Variants in SNAP91 observed in about 807,000 individuals in gnomAD.
SNAP91 encodes the protein synaptosome associated protein 91.
In SNAP91, 27 loss-of-function variants were observed where a neutral mutation model predicts 100.3. That is an observed-to-expected ratio of 0.27 (90% CI 0.20 to 0.37). The LOEUF (loss-of-function observed/expected upper bound fraction) is 0.37. Among genes scored for constraint, SNAP91 ranks in the 10% least tolerant of loss-of-function variants. The probability of loss-of-function intolerance (pLI) is 1.00; values close to 1 mark genes in which losing one functional copy is unlikely to be tolerated. For synonymous variants in SNAP91, 404 were observed against 398.6 expected (o/e 1.01, Z -0.16); for missense variants, 986 against 1,123.7 (o/e 0.88, Z 1.75).
At chr6:83,588,935 CCA>C (rs1228770121) in intron 22 of SNAP91, among the ~76,000 whole-genome samples, 1 of 152,024 alleles carries the variant, frequency 6.6e-6, no homozygotes, top group Non-Finnish European at 1.5e-5. Context: ...CTTCAAATTC[CCA>C]TTTGAGATCT....
intron 2 of SNAP91, among the ~76,000 whole-genome samples, chr6:83,673,488 C>T (rs1024955923): frequency 3.9e-5 from 6 of 152,156 alleles, no homozygotes; most frequent in African/African-American, 1.4e-4. Flanking sequence ...TTATAAGCAT[C>T]TAGTCTATGA....
chr6:83,553,332 A>G lies in SNAP91; in HGVS notation c.*964T>C, dbSNP rs978283796. On this transcript the variant is annotated 3_prime_UTR_variant, in exon 30 of 30. Coordinates refer to ENST00000369694, the MANE Select transcript of SNAP91 (RefSeq NM_001242792.2). ...ACTTTGAGCTCAGTTGAAGGATGGA[A>G]GAACACTAGTCTACAAAACACACAA... The G allele has an allele frequency of 6.6e-6, 1 of 152,368 alleles. No individual in the cohort carries two copies. The highest frequency in any genetic ancestry group is 1.5e-5 in the Non-Finnish European group (1 of 68,038). 9.4% of individuals were successfully genotyped at this position (152,368 alleles called of 1,614,324 possible). A position where few individuals can be genotyped will look rare whatever the true frequency, so the allele number is the denominator to read the frequency against.
At chr6:83,578,754 TTTTTC>T (rs1166626143) in intron 24 of SNAP91, among the ~76,000 whole-genome samples, 1 of 152,208 alleles carries the variant, frequency 6.6e-6, no homozygotes, top group African/African-American at 2.4e-5. Flanking sequence ...ATTTATCTAT[TTTTTC>T]TTTTGTTTCT....
chr6:83,654,192 T>C (rs2098320282), intron 7 of SNAP91, among the ~76,000 whole-genome samples: 1 of 152,126 alleles, frequency 6.6e-6, no homozygotes, highest in African/African-American at 2.4e-5. Context: ...ACAGTTCAGA[T>C]CTTCCTACTT....
chr6:83,563,482 G>T (rs948624937), intron 26 of SNAP91, among the ~76,000 whole-genome samples: 3 of 152,156 alleles, frequency 2.0e-5, no homozygotes, highest in Admixed American at 6.6e-5. Flanking sequence ...AGACAAGGAG[G>T]TTATGAAAGT....
Position 83,659,100 on chromosome 6 carries a change from TAAAA to T in SNAP91, c.453-12_453-9del. 2.9e-5 allele frequency: 42 copies of T among 1,424,386 alleles called. No homozygotes were observed. The highest frequency in any genetic ancestry group is 1.9e-4 in the Middle Eastern group (1 of 5,286). 88.2% of individuals were successfully genotyped at this position (1,424,386 alleles called of 1,614,324 possible). ...CTCATTACACCATCGGCCCTACAAT[TAAAA>T]AAAAAAAAAAGGTACAATTTCATTG... is the stretch of plus-strand genomic sequence containing the variant. On this transcript the variant is annotated splice_polypyrimidine_tract_variant and intron_variant, in intron 5 of 29. Transcript: ENST00000369694.
chr6:83,660,379 G>A (rs371557551), intron 5 of SNAP91, among the ~76,000 whole-genome samples: 1 of 152,150 alleles, frequency 6.6e-6, no homozygotes, highest in Admixed American at 6.5e-5. Flanking sequence ...CACCACCATG[G>A]TAAAAAAAGT....
rs548404419 is a variant in SNAP91, at chr6:83,606,022, T to C, written c.1023-219A>G. ...AAGTATTTTAGACTTTGAGGGCCAG[T>C]TGGTCTCTATCATTACTTGACTCTG... On this transcript the variant is annotated intron_variant, in intron 13 of 29. Transcript: ENST00000369694. Among the ~76,000 whole-genome samples the C allele has an allele frequency of 2.6e-5, 4 of 152,322 alleles. No individual in the cohort carries two copies. In the South Asian group the frequency reaches 8.3e-4, roughly 32 times the overall value.
intron 2 of SNAP91, among the ~76,000 whole-genome samples, chr6:83,682,630 C>G (rs374171069): frequency 2.0e-5 from 3 of 151,766 alleles, no homozygotes; most frequent in Non-Finnish European, 2.9e-5. Context: ...ATGTGCACAA[C>G]GTGCAGGTTA....
chr6:83,609,768 T>C (rs2095871055), intron 12 of SNAP91, among the ~76,000 whole-genome samples: 1 of 152,178 alleles, frequency 6.6e-6, no homozygotes. Flanking sequence ...AAAAGGCATA[T>C]TTGTGGAAAG....
chr6:83,563,327 A>G (rs747378988), intron 26 of SNAP91, among the ~76,000 whole-genome samples: 6 of 152,198 alleles, frequency 3.9e-5, no homozygotes, highest in African/African-American at 9.6e-5. Context: ...ACGAAGTCCA[A>G]CAGCTTTTCA....
chr6:83,682,875 C>G (rs913163969), intron 2 of SNAP91, among the ~76,000 whole-genome samples: 1 of 151,740 alleles, frequency 6.6e-6, no homozygotes, highest in Non-Finnish European at 1.5e-5. Context: ...CTGTATTATA[C>G]TCTAGATTCC....
intron 8 of SNAP91, among the ~76,000 whole-genome samples, chr6:83,627,802 T>G (rs2097011362): frequency 6.6e-6 from 1 of 152,034 alleles, no homozygotes; most frequent in Non-Finnish European, 1.5e-5. Context: ...AACCAATTTT[T>G]ATTTCATTGA....
At chr6:83,632,778 C>T (rs2097262141) in intron 8 of SNAP91, among the ~76,000 whole-genome samples, 1 of 152,080 alleles carries the variant, frequency 6.6e-6, no homozygotes, top group Non-Finnish European at 1.5e-5. Flanking sequence ...GAATATTTCT[C>T]CCTTCACTTC....
At chr6:83,589,040 T>G (rs750298996) in intron 22 of SNAP91, among the ~76,000 whole-genome samples, 1 of 152,240 alleles carries the variant, frequency 6.6e-6, no homozygotes, top group Non-Finnish European at 1.5e-5. Flanking sequence ...CGTTTTAATC[T>G]TAATTATAAC....
At position 83,553,130 on chromosome 6, in the gene SNAP91, C is replaced by A. The variant is rs1046263385; in HGVS notation, c.*1166G>T. ...CCAATATGCTTTTATGAAGAGCTGCCAAGCTACTAGCAACACTGATCAACA... is the reference window on the plus strand; with the variant it reads ...CCAATATGCTTTTATGAAGAGCTGCAAAGCTACTAGCAACACTGATCAACA... On this transcript the variant is annotated 3_prime_UTR_variant, in exon 30 of 30. Transcript: ENST00000369694. The A allele has an allele frequency of 6.6e-6, 1 of 152,592 alleles. No homozygotes were observed. Among genetic ancestry groups the A allele is most frequent in the African/African-American group, 2.4e-5 (1 of 41,436 alleles). 9.5% of individuals were successfully genotyped at this position (152,592 alleles called of 1,614,324 possible).
chr6:83,641,643 C>T (rs540647144), intron 7 of SNAP91, among the ~76,000 whole-genome samples: 2 of 152,136 alleles, frequency 1.3e-5, no homozygotes, highest in African/African-American at 4.8e-5. Flanking sequence ...AATAAACCTT[C>T]CTGAATTAAA....
At chr6:83,576,182 G>GT in intron 24 of SNAP91, 129 bp from the exon 25 acceptor site, 1 of 501,966 alleles carries the variant, frequency 2.0e-6, no homozygotes, top group East Asian at 3.6e-5. Context: ...ACTGCATTCA[G>GT]TTATACAGAA....
chr6:83,601,428 A>C lies in SNAP91; in HGVS notation c.1167T>G (p.Ala389=), dbSNP rs2095204422. The change falls in exon 16 of 30, where the codon GCT becomes GCG. Residue 389 remains alanine (A), a synonymous_variant. Coordinates refer to ENST00000369694, the MANE Select transcript of SNAP91 (RefSeq NM_001242792.2). ...CTTCAGAGGGAACAGAGGAAAGTGC[A>C]GCCAAAGAATCTATATTTCACCAGA... The part of the protein sequence containing the change: ...WGDLLGEDSL[A]ALSSVPSEAQ... 2 of 1,613,578 alleles carry C rather than the reference A, an allele frequency of 1.2e-6. No individual in the cohort carries two copies. Among genetic ancestry groups the C allele is most frequent in the African/African-American group, 1.3e-5 (1 of 74,938 alleles).
Sources: gnomAD v4.1 joint callset for allele counts (sites outside exome capture counted in the v4.1 genomes callset) on GRCh38, gnomAD v4.1.1 for gene constraint, MANE v1.5 for transcripts, NCBI Gene and HGNC (gene_info 2026-07-23, HGNC 2026-07-21) for gene names.